C12orf75: variants seen among roughly 807,000 people sequenced by gnomAD.
C12orf75 encodes the protein chromosome 12 open reading frame 75, also known as overexpressed in colon carcinoma 1 protein.
A neutral mutation model predicts 11.4 loss-of-function variants in C12orf75; 4 were observed. The observed-to-expected ratio is 0.35, with a 90% CI of 0.17 to 0.80. The LOEUF (loss-of-function observed/expected upper bound fraction) is 0.80, where lower values mean the gene tolerates loss of function less well. Ranked by LOEUF, C12orf75 falls within the 30% of genes least tolerant of loss-of-function variation. The pLI is 0.52. For synonymous variants in C12orf75, 30 were observed against 30.0 expected (o/e 1.00, Z 0.00); for missense variants, 89 against 80.4 (o/e 1.11, Z -0.41).
At chr12:105,370,456 A>G (rs955670652) in intron 5 of C12orf75, among the ~76,000 whole-genome samples, 178 bp from the exon 6 acceptor site, 3 of 152,212 alleles carry the variant, frequency 2.0e-5, no homozygotes, top group Non-Finnish European at 2.9e-5. Flanking sequence ...TTATATAATT[A>G]TCATCAATGC....
At chr12:105,368,548 A>G (rs934462130) in intron 5 of C12orf75, among the ~76,000 whole-genome samples, 3 of 152,216 alleles carry the variant, frequency 2.0e-5, no homozygotes, top group African/African-American at 7.2e-5. Flanking sequence ...CATCATCGTC[A>G]TCACCACCAT....
chr12:105,359,143 GTGAAAT>G (rs1892824990), intron 2 of C12orf75, among the ~76,000 whole-genome samples: 1 of 152,192 alleles, frequency 6.6e-6, no homozygotes, highest in African/African-American at 2.4e-5. Flanking sequence ...CTCCATGGTT[GTGAAAT>G]TGAAGAAGTC....
intron 2 of C12orf75, among the ~76,000 whole-genome samples, chr12:105,355,113 G>T (rs1208817169): frequency 1.3e-5 from 2 of 151,768 alleles, no homozygotes; most frequent in Non-Finnish European, 2.9e-5. Context: ...GATAGAGGAA[G>T]TCAGCAAAAT....
chr12:105,348,675 T>A, intron 2 of C12orf75, 49 bp downstream of exon 2: 1 of 1,378,570 alleles, frequency 7.3e-7, no homozygotes, highest in Non-Finnish European at 1.0e-6. Context: ...CTGAGGAAGT[T>A]GCTGTTTTTC....
chr12:105,358,468 C>G (rs1197018483), intron 2 of C12orf75, among the ~76,000 whole-genome samples: 7 of 152,162 alleles, frequency 4.6e-5, no homozygotes, highest in Non-Finnish European at 1.0e-4. Context: ...CTACAGTGAG[C>G]TATGATTGTG....
intron 2 of C12orf75, among the ~76,000 whole-genome samples, chr12:105,356,734 C>T (rs1892786897): frequency 6.6e-6 from 1 of 152,062 alleles, no homozygotes; most frequent in South Asian, 2.1e-4. Flanking sequence ...CTTTAGGTCA[C>T]TTGGGATAGC....
intron 2 of C12orf75, 60 bp downstream of exon 2, chr12:105,348,686 A>G (rs1892672415): frequency 1.7e-6 from 2 of 1,178,556 alleles, no homozygotes; most frequent in Non-Finnish European, 2.4e-6. Flanking sequence ...GCTGTTTTTC[A>G]TGATTATGAC....
chr12:105,365,220 C>G (rs1871431100), intron 2 of C12orf75, among the ~76,000 whole-genome samples: 1 of 152,074 alleles, frequency 6.6e-6, no homozygotes, highest in Non-Finnish European at 1.5e-5. Context: ...ATATTTCTCC[C>G]TCTCTTTGCA....
chr12:105,365,611 G>T (rs987435667), intron 2 of C12orf75, among the ~76,000 whole-genome samples, 196 bp from the exon 3 acceptor site: 1 of 152,214 alleles, frequency 6.6e-6, no homozygotes, highest in South Asian at 2.1e-4. Context: ...AAGTTTTAAC[G>T]TATGAATGAT....
chr12:105,343,523 T>TTA (rs1892599499), intron 1 of C12orf75, among the ~76,000 whole-genome samples: 1 of 152,214 alleles, frequency 6.6e-6, no homozygotes. Flanking sequence ...GCATAATTAC[T>TTA]TAGATTAGGG....
intron 2 of C12orf75, among the ~76,000 whole-genome samples, chr12:105,357,805 TGTGAGAGAGAGA>T (rs1892805055): frequency 1.4e-5 from 2 of 142,700 alleles, no homozygotes; most frequent in African/African-American, 5.6e-5. Flanking sequence ...TGTGTGTGTG[TGTGAGAGAGAGA>T]GAGAGAGAGA....
intron 1 of C12orf75, among the ~76,000 whole-genome samples, chr12:105,334,084 T>C (rs537978109): frequency 3.0e-4 from 46 of 152,272 alleles, no homozygotes; most frequent in Non-Finnish European, 2.5e-4. Flanking sequence ...GAAACTGGTA[T>C]GGAGTAAAAG....
rs371472914 is a variant in C12orf75, at chr12:105,364,730, T to A, written c.72-1077T>A. ...TACATTGGAATCTTGTTGAATTATT[T>A]TTTTTTTCTTTCAGAAAAGCAACTT... On this transcript the variant is annotated intron_variant, in intron 2 of 5. Coordinates refer to ENST00000443585, the MANE Select transcript of C12orf75 (RefSeq NM_001145199.2). Among the ~76,000 whole-genome samples, 53 of 152,326 alleles carry A rather than the reference T, an allele frequency of 3.5e-4. 1 individual carries two copies. Among genetic ancestry groups the A allele is most frequent in the Admixed American group, 9.2e-4 (14 of 15,290 alleles).
rs911314190 is a variant in C12orf75 at position 105,370,684 on chromosome 12, C to G, written c.*84C>G. The G allele has an allele frequency of 9.6e-5, 44 of 457,506 alleles. No homozygotes were observed. Among genetic ancestry groups the G allele is most frequent in the Non-Finnish European group, 1.9e-4 (42 of 226,814 alleles). The allele number at this position is 457,506 out of a possible 1,614,324, so 28.3% of individuals were successfully genotyped here. ...TGGCTCCGTGGGACGTTGTAATGTG[C>G]ACAGACATTTCCAAGGAAATTCTAA... On this transcript the variant is annotated 3_prime_UTR_variant, in exon 6 of 6. Coordinates refer to ENST00000443585, the MANE Select transcript of C12orf75 (RefSeq NM_001145199.2).
At chr12:105,332,108 G>A (rs899751778) in intron 1 of C12orf75, among the ~76,000 whole-genome samples, 1 of 152,196 alleles carries the variant, frequency 6.6e-6, no homozygotes, top group Non-Finnish European at 1.5e-5. Context: ...GGGAAGGTTA[G>A]TGTAGCACCT....
intron 1 of C12orf75, among the ~76,000 whole-genome samples, chr12:105,334,699 T>G (rs1210538581): frequency 6.6e-6 from 1 of 152,236 alleles, no homozygotes. Flanking sequence ...GCACTCTCGC[T>G]CACTCTCACT....
rs1871598638 is a variant in C12orf75 at position 105,370,578 on chromosome 12, T to G, written c.*34-56T>G. 7.7e-5 allele frequency: 35 copies of G among 457,496 alleles called. 1 individual carries two copies. Among genetic ancestry groups the G allele is most frequent in the South Asian group, 5.3e-4 (34 of 64,562 alleles). The allele number at this position is 457,496 out of a possible 1,614,324, so 28.3% of individuals were successfully genotyped here. A position where few individuals can be genotyped will look rare whatever the true frequency, so the allele number is the denominator to read the frequency against. ...GTAGGCTTAAGGCTAATACATTTTT[T>G]AACCTAAGTTGTACCTGTTTGCTCA... On this transcript the variant is annotated intron_variant, in intron 5 of 5. Coordinates refer to ENST00000443585, the MANE Select transcript of C12orf75 (RefSeq NM_001145199.2).
intron 5 of C12orf75, among the ~76,000 whole-genome samples, chr12:105,369,948 T>G (rs559044050): frequency 6.6e-6 from 1 of 152,162 alleles, no homozygotes. Context: ...GAGACACTTT[T>G]GTTGTTGTTG....
chr12:105,336,272 A>G (rs1191267900), intron 1 of C12orf75, among the ~76,000 whole-genome samples: 1 of 152,246 alleles, frequency 6.6e-6, no homozygotes, highest in Non-Finnish European at 1.5e-5. Context: ...CACTGAGGCC[A>G]CAGAGTTGAG....
Sources: gnomAD v4.1 joint callset for allele counts (sites outside exome capture counted in the v4.1 genomes callset) on GRCh38, gnomAD v4.1.1 for gene constraint, MANE v1.5 for transcripts, NCBI Gene and HGNC (gene_info 2026-07-23, HGNC 2026-07-21) for gene names.